IL3RA: variants seen among roughly 807,000 people sequenced by gnomAD.
IL3RA encodes the protein interleukin-3 receptor subunit alpha.
In IL3RA, 73 loss-of-function variants were observed where a neutral mutation model predicts 52.3. That is an observed-to-expected ratio of 1.40 (90% CI 1.16 to 1.70). The LOEUF is 1.70. Ranked by LOEUF, IL3RA falls within the 40% of genes most tolerant of loss-of-function variation. The pLI, the probability that IL3RA is intolerant of heterozygous loss-of-function variation, is 0.00. For synonymous variants in IL3RA, 260 were observed against 194.0 expected (o/e 1.34, Z -2.83); for missense variants, 664 against 504.4 (o/e 1.32, Z -3.03).
At chrX:1,341,982 T>C (rs1303041705) in intron 2 of IL3RA, among the ~76,000 whole-genome samples, 153 bp downstream of exon 2, 3 of 152,054 alleles carry the variant, frequency 2.0e-5, no homozygotes, top group Non-Finnish European at 4.4e-5. Context: ...GACACTTCCC[T>C]GTACCCGTCA....
At chrX:1,362,793 T>A (rs1260441462) in intron 8 of IL3RA, among the ~76,000 whole-genome samples, 7 of 113,288 alleles carry the variant, frequency 6.2e-5, no homozygotes, top group Non-Finnish European at 1.3e-4. Context: ...TTATTTATTT[T>A]GAGACAGAGT....
chrX:1,378,584 C>T, intron 9 of IL3RA, 75 bp from the exon 10 acceptor site: 1 of 1,308,988 alleles, frequency 7.6e-7, no homozygotes, highest in South Asian at 1.2e-5. Flanking sequence ...TTCCCAGGGC[C>T]CCGGGGAGAG....
intron 8 of IL3RA, among the ~76,000 whole-genome samples, chrX:1,361,934 CAAGAT>C (rs2087429597): frequency 6.6e-6 from 1 of 151,976 alleles, no homozygotes; most frequent in African/African-American, 2.4e-5. Context: ...GGCTACAATT[CAAGAT>C]GAGATTTGGG....
intron 10 of IL3RA, among the ~76,000 whole-genome samples, chrX:1,380,482 G>T: frequency 1.8e-4 from 1 of 5,598 alleles, no homozygotes; most frequent in South Asian, 6.1e-3. Flanking sequence ...GGGGAAGGGA[G>T]GGGGGAAAGG....
intron 8 of IL3RA, among the ~76,000 whole-genome samples, chrX:1,362,161 T>C (rs1303216977): frequency 4.9e-5 from 5 of 101,504 alleles, no homozygotes; most frequent in African/African-American, 3.9e-4. Context: ...TGTTTTTCTC[T>C]TTCCCTCTCT....
At chrX:1,349,576 T>G (rs1426064785) in intron 4 of IL3RA, among the ~76,000 whole-genome samples, 14 of 152,122 alleles carry the variant, frequency 9.2e-5, no homozygotes, top group Non-Finnish European at 1.8e-4. Flanking sequence ...TCTCCCAAAG[T>G]GCAGGGATTG....
intron 11 of IL3RA, among the ~76,000 whole-genome samples, chrX:1,381,373 G>C (rs1260669075): frequency 2.0e-5 from 3 of 152,196 alleles, no homozygotes; most frequent in East Asian, 3.9e-4. Context: ...ACTCCATCTG[G>C]GCGACAAGAG....
chrX:1,339,433 G>A (rs17879881), intron 1 of IL3RA, among the ~76,000 whole-genome samples: 17,683 of 152,132 alleles, frequency 0.12, 1,254 homozygotes, highest in Non-Finnish European at 0.15. Flanking sequence ...CTTTTTCCAG[G>A]CTCACCCCTT....
At chrX:1,348,283 G>C (rs1381389143) in intron 3 of IL3RA, 148 bp from the exon 4 acceptor site, 5 of 677,926 alleles carry the variant, frequency 7.4e-6, no homozygotes, top group Admixed American at 4.4e-5. Flanking sequence ...AACCCGGGAG[G>C]GAGAGGCTGC....
chrX:1,345,645 A>T (rs1458334398), intron 3 of IL3RA, among the ~76,000 whole-genome samples: 4 of 151,468 alleles, frequency 2.6e-5, no homozygotes, highest in Admixed American at 2.0e-4. Context: ...GCCCGCCACC[A>T]TGCCCGGCTA....
intron 2 of IL3RA, among the ~76,000 whole-genome samples, chrX:1,343,417 C>T (rs1457154397): frequency 1.3e-5 from 2 of 151,876 alleles, no homozygotes; most frequent in East Asian, 3.9e-4. Context: ...GTAATCCCAG[C>T]ACTTTGGGAG....
chrX:1,356,432 C>A (rs2086721213), intron 7 of IL3RA, 96 bp downstream of exon 7: 2 of 705,508 alleles, frequency 2.8e-6, no homozygotes, highest in East Asian at 2.7e-5. Context: ...GCAACAATCT[C>A]CTCTGATAAC....
intron 7 of IL3RA, 61 bp from the exon 8 acceptor site, chrX:1,358,800 G>A: frequency 6.3e-7 from 1 of 1,594,372 alleles, no homozygotes; most frequent in Non-Finnish European, 8.6e-7. Context: ...TTGAGTTTGG[G>A]AGGAGGAGGC....
In IL3RA at chrX:1,365,202, G is replaced by C. The variant is rs141828957; in HGVS notation, c.824G>C (p.Arg275Pro). The C allele has an allele frequency of 1.2e-6, 2 of 1,611,488 alleles. No individual in the cohort carries two copies. Among genetic ancestry groups the C allele is most frequent in the Middle Eastern group, 1.7e-4 (1 of 6,050 alleles). The change falls in exon 9 of 12, where the codon CGG becomes CCG. Residue 275 changes from arginine to proline, a missense_variant. Arg to Pro is a moderately radical substitution (Grantham distance 103). Transcript: ENST00000331035. The part of the protein sequence containing the change: ...PGTYTVQIRA[R>P]ERVYEFLSAW... The stretch of plus-strand genomic sequence containing the variant: ...ACGTACACAGTACAAATAAGAGCCC[G>C]GGAAAGAGTGTATGAATTCTTGAGC...
intron 8 of IL3RA, among the ~76,000 whole-genome samples, chrX:1,361,533 C>T (rs1354189630): frequency 4.6e-5 from 7 of 151,908 alleles, no homozygotes; most frequent in African/African-American, 7.3e-5. Context: ...GGGTGGACCA[C>T]GAGGTCAGGA....
intron 6 of IL3RA, among the ~76,000 whole-genome samples, chrX:1,352,814 TCCCTCACCATGGGTCATGGGAC>T: frequency 6.6e-6 from 1 of 151,684 alleles, no homozygotes; most frequent in East Asian, 2.0e-4. Context: ...GGTCATAGGA[TCCCTCACCATGGGTCATGGGAC>T]CCCCCATCAT....
At chrX:1,360,734 G>A (rs1397894361) in intron 8 of IL3RA, among the ~76,000 whole-genome samples, 1 of 151,562 alleles carries the variant, frequency 6.6e-6, no homozygotes, top group Non-Finnish European at 1.5e-5. Context: ...TCACTAGTGG[G>A]CCAGGCTGGT....
chrX:1,380,074 A>C (rs2089069292), intron 10 of IL3RA, among the ~76,000 whole-genome samples: 1 of 150,452 alleles, frequency 6.6e-6, no homozygotes, highest in Non-Finnish European at 1.5e-5. Context: ...TTGTATTTTC[A>C]GTAGAGACGG....
chrX:1,365,279 GGTGA>G, intron 9 of IL3RA, 27 bp downstream of exon 9: 1 of 1,425,694 alleles, frequency 7.0e-7, no homozygotes, highest in Non-Finnish European at 9.7e-7. Context: ...GGGTGCGCGG[GGTGA>G]GCGGGGTGAG....
Sources: allele counts gnomAD v4.1 joint callset (sites outside exome capture counted in the v4.1 genomes callset), GRCh38; gene constraint gnomAD v4.1.1; transcripts MANE v1.5; gene names NCBI Gene and HGNC (gene_info 2026-07-23, HGNC 2026-07-21).